KDM5C: variants seen among roughly 807,000 people sequenced by gnomAD.
KDM5C encodes the protein lysine demethylase 5C, also known as lysine-specific demethylase 5C.
In KDM5C, 16 loss-of-function variants were observed where a neutral mutation model predicts 110.6. That is an observed-to-expected ratio of 0.14 (90% confidence interval 0.10 to 0.22). The LOEUF (loss-of-function observed/expected upper bound fraction) is 0.22. Ranked by LOEUF, KDM5C falls within the 10% of genes least tolerant of loss-of-function variation. The pLI is 1.00. For synonymous variants in KDM5C, 511 were observed against 520.4 expected (o/e 0.98, Z 0.24); for missense variants, 681 against 1,300.9 (o/e 0.52, Z 7.33).
intron 22 of KDM5C, 59 bp from the exon 23 acceptor site, chrX:53,194,797 GC>G (rs1197342997): frequency 1.3e-5 from 15 of 1,196,785 alleles, no homozygotes; most frequent in African/African-American, 8.9e-5. Context: ...CCTTCTCTGG[GC>G]CCCCCCTTAA....
chrX:53,193,989 G>A, intron 23 of KDM5C, 138 bp from the exon 24 acceptor site: 1 of 957,315 alleles, frequency 1.0e-6, no homozygotes. Flanking sequence ...AGGGAGCAGA[G>A]TCTAGGAATC....
rs2073457219 is a variant in KDM5C at position 53,208,803 on chromosome X, CTCTT to C, written c.1746+1607_1746+1610del. The stretch of plus-strand genomic sequence containing the variant: ...TACAGGCATGAGCCACCACACCCGG[CTCTT>C]TTTTTTTTTTTTTTTTTTTTTTTTT... On this transcript the variant is annotated intron_variant, in intron 12 of 25. Coordinates refer to ENST00000375401, the MANE Select transcript of KDM5C (RefSeq NM_004187.5). Among the ~76,000 whole-genome samples, 8 of 47,056 alleles carry C rather than the reference CTCTT, an allele frequency of 1.7e-4. No individual in the cohort carries two copies. In the Admixed American group the frequency reaches 2.4e-3, roughly 14 times the overall value. 40.9% of individuals were successfully genotyped at this position (47,056 alleles called of 115,157 possible).
intron 25 of KDM5C, among the ~76,000 whole-genome samples, chrX:53,179,038 CAGCCTGGCCAACACGGTGA>C (rs1933956189): frequency 8.9e-6 from 1 of 112,368 alleles, no homozygotes. Context: ...AGTTCAAGGC[CAGCCTGGCCAACACGGTGA>C]AACCTTGTCT....
chrX:53,209,727 C>T (rs2073500470), intron 12 of KDM5C, among the ~76,000 whole-genome samples: 1 of 111,768 alleles, frequency 8.9e-6, no homozygotes, highest in Non-Finnish European at 1.9e-5. Flanking sequence ...CTGGCTGATG[C>T]TAATCAATGC....
At position 53,210,474 on chromosome X, in the gene KDM5C, G is replaced by A; in HGVS notation, c.1686C>T (p.Asp562=). Residue 562 remains aspartate (D), a synonymous_variant, in exon 12 of 26, where the codon GAC becomes GAT. Transcript: ENST00000375401. ...LTPELFDSQP[D]LLHQLVTLMN... ...TGAGGGTGACAAGTTGGTGCAGGAG[G>A]TCAGGCTGGCTATCAAATAGTTCAG... 8.2e-7 allele frequency: 1 copy of A among 1,212,155 alleles called. No individual in the cohort carries two copies.
In KDM5C at chrX:53,193,177, C is replaced by G; in HGVS notation, c.4473G>C (p.Glu1491Asp). The G allele has an allele frequency of 1.7e-6, 2 of 1,210,732 alleles. No individual in the cohort carries two copies. The highest frequency in any genetic ancestry group is 2.2e-6 in the Non-Finnish European group (2 of 895,285). ...RVRSSGPEAE[E>D]VQEEEELEEE... ...CCTCCAGCTCTTCCTCCTCCTGGAC[C>G]TCCTCAGCCTCTGGCCCTGAGCTCC... Residue 1491 changes from glutamate to aspartate, a missense_variant, in exon 26 of 26, where the codon GAG becomes GAC. Around this residue, in one of 14 missense-constraint regions of KDM5C, gnomAD observed 115 missense variants for 120.9 expected, o/e 0.95. Coordinates refer to ENST00000375401, the MANE Select transcript of KDM5C (RefSeq NM_004187.5).
intron 1 of KDM5C, among the ~76,000 whole-genome samples, chrX:53,223,194 A>T (rs1162243816): frequency 9.0e-6 from 1 of 111,559 alleles, no homozygotes; most frequent in African/African-American, 3.3e-5. Flanking sequence ...AAAGGAATTC[A>T]GGCCTCAACT....
intron 8 of KDM5C, among the ~76,000 whole-genome samples, chrX:53,213,818 T>C: frequency 8.9e-6 from 1 of 111,773 alleles, no homozygotes; most frequent in South Asian, 3.6e-4. Flanking sequence ...CAAATGAAAA[T>C]ATATAACAAG....
chrX:53,194,131 T>C lies in KDM5C; in HGVS notation c.4038+8A>G, dbSNP rs1556833699. ...ATCTGAGGACAAGAGCTGGGCTGAG[T>C]AGCTCACCTTAGGCATATCCTTGCC... On this transcript the variant is annotated splice_region_variant and intron_variant, in intron 23 of 25. Transcript: ENST00000375401. 2 of 1,189,869 alleles carry C rather than the reference T, an allele frequency of 1.7e-6. No individual in the cohort carries two copies. The highest frequency in any genetic ancestry group is 2.3e-6 in the Non-Finnish European group (2 of 884,589).
At chrX:53,180,245 A>G (rs1316737808) in intron 25 of KDM5C, among the ~76,000 whole-genome samples, 3 of 111,454 alleles carry the variant, frequency 2.7e-5, no homozygotes, top group East Asian at 5.6e-4. Flanking sequence ...TGGAGACAGT[A>G]AAAAAAATCA....
chrX:53,203,746 A>T (rs1602188987), intron 12 of KDM5C, among the ~76,000 whole-genome samples: 2 of 102,440 alleles, frequency 2.0e-5, no homozygotes, highest in African/African-American at 3.6e-5. Context: ...TTTTTGGGGG[A>T]TTTTTTAGGG....
intron 4 of KDM5C, 59 bp downstream of exon 4, chrX:53,217,737 A>C: frequency 8.7e-7 from 1 of 1,150,675 alleles, no homozygotes; most frequent in Non-Finnish European, 1.2e-6. Flanking sequence ...ATTAAGAGCA[A>C]GTGTGGAAAT....
intron 17 of KDM5C, 104 bp downstream of exon 17, chrX:53,198,386 T>C (rs782152329): frequency 2.6e-5 from 26 of 1,004,123 alleles, no homozygotes; most frequent in Non-Finnish European, 3.3e-5. Context: ...CCTGCTGATG[T>C]CCATTCTGCC....
At chrX:53,220,698 C>T (rs1275098294) in intron 2 of KDM5C, 141 bp downstream of exon 2, 18 of 553,123 alleles carry the variant, frequency 3.3e-5, no homozygotes, top group Non-Finnish European at 5.3e-5. Context: ...CCTGGGCACA[C>T]TAAAGTAATG....
rs1364477128 is a variant in KDM5C, at chrX:53,214,861, A to G, written c.964-14T>C. 8.3e-7 allele frequency: 1 copy of G among 1,208,606 alleles called. No homozygotes were observed. The highest frequency in any genetic ancestry group is 3.0e-5 in the East Asian group (1 of 33,787). Reference sequence around the variant, plus strand: ...ATATGACTCAATCTGCCAGGGGAGAAGAGCAAAAGTTCTCCATTGGAAATC... The same window carrying G: ...ATATGACTCAATCTGCCAGGGGAGAGGAGCAAAAGTTCTCCATTGGAAATC... On this transcript the variant is annotated splice_polypyrimidine_tract_variant and intron_variant, in intron 7 of 25. Coordinates refer to ENST00000375401, the MANE Select transcript of KDM5C (RefSeq NM_004187.5).
intron 25 of KDM5C, among the ~76,000 whole-genome samples, chrX:53,182,095 T>G (rs1357971175): frequency 2.8e-5 from 3 of 107,777 alleles, no homozygotes; most frequent in African/African-American, 1.0e-4. Context: ...GTTTTTTTTT[T>G]TTTTTTGATA....
chrX:53,176,973 G>A (rs1045499154), intron 25 of KDM5C, among the ~76,000 whole-genome samples: 1 of 111,886 alleles, frequency 8.9e-6, no homozygotes, highest in Non-Finnish European at 1.9e-5. Context: ...TTTTGGTCGG[G>A]TGTGGTGGCT....
At chrX:53,178,731 C>T (rs190958616) in intron 25 of KDM5C, among the ~76,000 whole-genome samples, 13 of 112,541 alleles carry the variant, frequency 1.2e-4, no homozygotes, top group South Asian at 3.7e-4. Flanking sequence ...TTAGGTACAA[C>T]GCCAAAGGCA....
At chrX:53,211,988 G>T (rs2073577710) in intron 8 of KDM5C, 82 bp from the exon 9 acceptor site, 1 of 1,129,326 alleles carries the variant, frequency 8.9e-7, no homozygotes, top group African/African-American at 1.8e-5. Context: ...AATATAAGGG[G>T]TAGGGAGGGA....
Sources: allele counts gnomAD v4.1 joint callset (sites outside exome capture counted in the v4.1 genomes callset), GRCh38; gene constraint gnomAD v4.1.1; regional missense constraint gnomAD v4.1.1; transcripts MANE v1.5; gene names NCBI Gene and HGNC (gene_info 2026-07-23, HGNC 2026-07-21).